The following INPP5A variants were observed in gnomAD, a reference collection of about 807,000 sequenced individuals.
INPP5A encodes inositol polyphosphate-5-phosphatase A.
Under a neutral mutation model 65.2 loss-of-function variants are expected in INPP5A, and 14 were observed. The ratio of observed to expected loss-of-function variants is 0.21; its 90% CI spans 0.14 to 0.34. The LOEUF is 0.34. Among genes scored for constraint, INPP5A ranks in the 10% least tolerant of loss-of-function variants. The pLI, the probability that INPP5A is intolerant of heterozygous loss-of-function variation, is 1.00. For missense variants in INPP5A, 431 were observed against 545.6 expected (o/e 0.79, Z 2.09); for synonymous variants, 207 against 208.3 (o/e 0.99, Z 0.05).
chr10:132,567,956 G>T (rs1000892456), intron 1 of INPP5A, among the ~76,000 whole-genome samples: 5 of 151,906 alleles, frequency 3.3e-5, no homozygotes, highest in African/African-American at 1.2e-4. Context: ...ACTTTAGGAG[G>T]CCGAGGCGGG....
At chr10:132,553,922 T>C (rs1170738653) in intron 1 of INPP5A, among the ~76,000 whole-genome samples, 1 of 142,018 alleles carries the variant, frequency 7.0e-6, no homozygotes, top group Non-Finnish European at 1.5e-5. Context: ...CTCAGAGCCT[T>C]GGTGGAATAT....
At chr10:132,729,028 G>T (rs954900959) in intron 9 of INPP5A, among the ~76,000 whole-genome samples, 3 of 144,750 alleles carry the variant, frequency 2.1e-5, no homozygotes, top group African/African-American at 8.6e-5. Flanking sequence ...GGCGTGGGGG[G>T]CCTGGACTCC....
Position 132,651,167 on chromosome 10 carries a change from A to C in INPP5A, c.306+662A>C, listed in dbSNP as rs1387550963. Among the ~76,000 whole-genome samples, 1 of 152,140 alleles carries C rather than the reference A, an allele frequency of 6.6e-6. No homozygotes were observed. The highest frequency in any genetic ancestry group is 1.5e-5 in the Non-Finnish European group (1 of 68,002). Reference sequence around the variant, plus strand: ...AGGAGGGGACACTCTGCAGGTCGTGAATAACTTGCTGTTGGTTCAGAGACC... The same window carrying C: ...AGGAGGGGACACTCTGCAGGTCGTGCATAACTTGCTGTTGGTTCAGAGACC... On this transcript the variant is annotated intron_variant, in intron 4 of 15. Coordinates refer to ENST00000368594, the MANE Select transcript of INPP5A (RefSeq NM_005539.5). The surrounding 1 kb of genome is among the most constrained non-coding windows in gnomAD (Gnocchi z 5.0).
At chr10:132,671,080 C>G (rs1044383363) in intron 4 of INPP5A, among the ~76,000 whole-genome samples, 1 of 151,944 alleles carries the variant, frequency 6.6e-6, no homozygotes, top group East Asian at 1.9e-4. Flanking sequence ...AAGAGAAGGT[C>G]TCTCTTTCAT....
chr10:132,746,484 T>A (rs556476125), intron 9 of INPP5A, among the ~76,000 whole-genome samples: 1 of 152,302 alleles, frequency 6.6e-6, no homozygotes, highest in East Asian at 1.9e-4. Context: ...ACTGCGTTAT[T>A]TCCTTGCACA....
At chr10:132,568,894 A>G (rs997792966) in intron 1 of INPP5A, among the ~76,000 whole-genome samples, 7 of 151,968 alleles carry the variant, frequency 4.6e-5, no homozygotes, top group Admixed American at 4.6e-4. Flanking sequence ...CATAGATCAC[A>G]ATATGTTCTT....
chr10:132,777,877 G>A, intron 13 of INPP5A, 95 bp downstream of exon 13: 5 of 1,544,062 alleles, frequency 3.2e-6, no homozygotes, highest in African/African-American at 1.4e-5. Flanking sequence ...AGGGGTGGGG[G>A]CACCCAGTCT....
chr10:132,688,720 TTGTGTGCATGAA>T (rs369628792), intron 4 of INPP5A, among the ~76,000 whole-genome samples: 18 of 149,968 alleles, frequency 1.2e-4, no homozygotes, highest in Non-Finnish European at 2.4e-4. Context: ...AACAAGTGCA[TTGTGTGCATGAA>T]TGTGTGCAAG....
intron 2 of INPP5A, among the ~76,000 whole-genome samples, chr10:132,642,986 C>T (rs1482264059): frequency 6.6e-6 from 1 of 152,160 alleles, no homozygotes; most frequent in Non-Finnish European, 1.5e-5. Flanking sequence ...CCAGGTCGCT[C>T]TGTGGGAGAT....
At chr10:132,542,838 C>T (rs2070923751) in intron 1 of INPP5A, among the ~76,000 whole-genome samples, 1 of 152,214 alleles carries the variant, frequency 6.6e-6, no homozygotes, top group African/African-American at 2.4e-5. Context: ...GGGTCTCATT[C>T]TGTCACCCAG....
In INPP5A at chr10:132,740,433, G is replaced by A. The variant is rs146208200; in HGVS notation, c.733-9084G>A. On this transcript the variant is annotated intron_variant, in intron 9 of 15. Coordinates refer to ENST00000368594, the MANE Select transcript of INPP5A (RefSeq NM_005539.5). ...ACGTTGGTGTAGTGGCGCGGCATCC[G>A]GGAGCACAGATTTATATTCACGTTC... Among the ~76,000 whole-genome samples, 726 of 152,218 alleles carry A rather than the reference G, an allele frequency of 4.8e-3. 6 individuals carry two copies. The highest frequency in any genetic ancestry group is 0.017 in the African/African-American group (689 of 41,516).
At chr10:132,728,420 C>G (rs963006585) in intron 9 of INPP5A, among the ~76,000 whole-genome samples, 1 of 152,246 alleles carries the variant, frequency 6.6e-6, no homozygotes, top group Non-Finnish European at 1.5e-5. Context: ...TCCATGTCCC[C>G]GCGTCCGAGG....
intron 11 of INPP5A, among the ~76,000 whole-genome samples, chr10:132,750,081 T>C (rs542124042): frequency 2.0e-5 from 3 of 152,346 alleles, no homozygotes. Flanking sequence ...AGCATGACAC[T>C]CGACCCATCA....
At chr10:132,574,722 G>A (rs1283617988) in intron 1 of INPP5A, among the ~76,000 whole-genome samples, 2 of 144,566 alleles carry the variant, frequency 1.4e-5, no homozygotes, top group East Asian at 2.0e-4. Context: ...ACAGAGTCTC[G>A]CTCTGTTGCC....
Position 132,697,495 on chromosome 10 carries a change from C to G in INPP5A, c.371-321C>G, listed in dbSNP as rs909654608. Among the ~76,000 whole-genome samples the G allele has an allele frequency of 1.3e-5, 2 of 152,234 alleles. No individual in the cohort carries two copies. The highest frequency in any genetic ancestry group is 2.9e-5 in the Non-Finnish European group (2 of 68,038). ...GTGAAGGTCTGAGTGAATGGTAATT[C>G]TACAGCCCTCTTAAATATATTCACG... is the stretch of plus-strand genomic sequence containing the variant. On this transcript the variant is annotated intron_variant, in intron 5 of 15. Coordinates refer to ENST00000368594, the MANE Select transcript of INPP5A (RefSeq NM_005539.5). This position sits in a 1 kb window ranked among gnomAD's most constrained non-coding sequence, Gnocchi z 5.6.
intron 11 of INPP5A, among the ~76,000 whole-genome samples, chr10:132,750,199 G>A (rs1198621296): frequency 6.6e-6 from 1 of 152,274 alleles, no homozygotes; most frequent in Non-Finnish European, 1.5e-5. Context: ...TCACTCTGAA[G>A]TGGGAGACTG....
At chr10:132,777,589 G>A in intron 12 of INPP5A, 82 bp from the exon 13 acceptor site, 3 of 1,245,956 alleles carry the variant, frequency 2.4e-6, no homozygotes, top group Non-Finnish European at 2.3e-6. Context: ...GGTGTATTGG[G>A]AGAGAATCGG....
In INPP5A at chr10:132,697,833, G is replaced by A. The variant is rs1376578453; in HGVS notation, c.388G>A (p.Val130Ile). 2 of 1,612,602 alleles carry A rather than the reference G, an allele frequency of 1.2e-6. No homozygotes were observed. The highest frequency in any genetic ancestry group is 1.7e-6 in the Non-Finnish European group (2 of 1,179,064). Residue 130 changes from valine (V) to isoleucine (I), a missense_variant, in exon 6 of 16, where the codon GTC (valine) becomes ATC (isoleucine). Coordinates refer to ENST00000368594, the MANE Select transcript of INPP5A (RefSeq NM_005539.5). The surrounding 1 kb of genome is among the most constrained non-coding windows in gnomAD (Gnocchi z 5.6). ...TCTTCCAGCTAAGAAGTATAGAAAGGTCGCTGGCAAAGAGATCTACTCGGA... is the reference window on the plus strand; with the variant it reads ...TCTTCCAGCTAAGAAGTATAGAAAGATCGCTGGCAAAGAGATCTACTCGGA... ...FDFKAKKYRK[V>I]AGKEIYSDTL...
intron 4 of INPP5A, among the ~76,000 whole-genome samples, chr10:132,655,003 C>T (rs1485400620): frequency 2.0e-5 from 3 of 152,228 alleles, no homozygotes; most frequent in Non-Finnish European, 2.9e-5. Flanking sequence ...TGGCTCACGC[C>T]GGTAATCCCA....
Sources: gnomAD v4.1 joint callset for allele counts (sites outside exome capture counted in the v4.1 genomes callset) on GRCh38, gnomAD v4.1.1 for gene constraint, Gnocchi (gnomAD v3.1) non-coding constraint, MANE v1.5 for transcripts, NCBI Gene and HGNC (gene_info 2026-07-23, HGNC 2026-07-21) for gene names.